The following C1orf198 variants were observed in gnomAD, a reference collection of about 807,000 sequenced individuals.
C1orf198 encodes the protein chromosome 1 open reading frame 198, also known as uncharacterized protein C1orf198.
A neutral mutation model predicts 31.4 loss-of-function variants in C1orf198; 17 were observed. That is an observed-to-expected ratio of 0.54 (90% CI 0.37 to 0.81). The LOEUF (loss-of-function observed/expected upper bound fraction) is 0.81, where lower values mean the gene tolerates loss of function less well. C1orf198 is among the 40% of genes least tolerant of loss of function. The pLI is 0.00. For missense variants in C1orf198, 401 were observed against 450.3 expected (o/e 0.89, Z 0.99); for synonymous variants, 175 against 193.8 (o/e 0.90, Z 0.81).
At chr1:230,858,919 G>A (rs981736743) in intron 1 of C1orf198, among the ~76,000 whole-genome samples, 2 of 152,178 alleles carry the variant, frequency 1.3e-5, no homozygotes, top group Non-Finnish European at 2.9e-5. Flanking sequence ...GAAATTCCAA[G>A]GGGGTCACAG....
intron 2 of C1orf198, among the ~76,000 whole-genome samples, chr1:230,852,054 TG>T (rs1246624451): frequency 7.9e-5 from 12 of 152,354 alleles, no homozygotes; most frequent in Non-Finnish European, 1.6e-4. Context: ...AAGTCAGAGC[TG>T]GGCACTCTGC....
At chr1:230,842,578 T>C (rs971434656) in intron 3 of C1orf198, among the ~76,000 whole-genome samples, 1 of 152,036 alleles carries the variant, frequency 6.6e-6, no homozygotes, top group Non-Finnish European at 1.5e-5. Flanking sequence ...CAATGGACTT[T>C]GGGGACTCGG....
chr1:230,868,913 C>T (rs969505752), upstream of C1orf198: 1 of 153,176 alleles, frequency 6.5e-6, no homozygotes. Context: ...CGCCACGTGG[C>T]CACTGCTTGA....
intron 2 of C1orf198, among the ~76,000 whole-genome samples, chr1:230,855,188 G>T (rs1345877637): frequency 6.6e-6 from 1 of 152,200 alleles, no homozygotes; most frequent in Non-Finnish European, 1.5e-5. Flanking sequence ...ATGAGAAGAA[G>T]AATGACTGGG....
intron 1 of C1orf198, among the ~76,000 whole-genome samples, chr1:230,861,633 C>A (rs77818162): frequency 3.3e-5 from 5 of 152,208 alleles, no homozygotes; most frequent in Non-Finnish European, 7.3e-5. Context: ...CTCACTCCCC[C>A]AGAGCCGGCT....
chr1:230,863,233 G>T (rs532500858), intron 1 of C1orf198, among the ~76,000 whole-genome samples: 136 of 152,214 alleles, frequency 8.9e-4, no homozygotes, highest in African/African-American at 3.2e-3. Flanking sequence ...TTTCCACCAT[G>T]AATACGAATC....
At chr1:230,845,215 TTA>T (rs557714161) in intron 2 of C1orf198, among the ~76,000 whole-genome samples, 1 of 82,446 alleles carries the variant, frequency 1.2e-5, no homozygotes. Context: ...ATTAAAAAAA[TTA>T]AAAAAAAAAA....
chr1:230,867,721 C>T (rs557712663), intron 1 of C1orf198, among the ~76,000 whole-genome samples: 7 of 152,304 alleles, frequency 4.6e-5, no homozygotes, highest in African/African-American at 1.7e-4. Flanking sequence ...AGTCCCTTCA[C>T]GGGCAGGCAC....
At position 230,843,715 on chromosome 1, in the gene C1orf198, G is replaced by A; in HGVS notation, c.566C>T (p.Ser189Leu). The change falls in exon 3 of 4, where the codon TCA becomes TTA. Residue 189 changes from serine (S) to leucine (L), a missense_variant. By Grantham distance (145) the Ser-to-Leu change is moderately radical. Coordinates refer to ENST00000366663, the MANE Select transcript of C1orf198 (RefSeq NM_032800.3). The surrounding 1 kb of genome is among the most constrained non-coding windows in gnomAD (Gnocchi z 4.9). Reference sequence around the variant, plus strand: ...CCGCTCAGCATTGATCTTCCAGAATGACGCTTCCTCCTCCTTCCTGGTGGG... The same window carrying A: ...CCGCTCAGCATTGATCTTCCAGAATAACGCTTCCTCCTCCTTCCTGGTGGG... ...LGPTRKEEEA[S>L]FWKINAERSR... The A allele has an allele frequency of 6.2e-7, 1 of 1,614,258 alleles. No individual in the cohort carries two copies. The highest frequency in any genetic ancestry group is 8.5e-7 in the Non-Finnish European group (1 of 1,180,044).
At chr1:230,861,967 T>C (rs1192037934) in intron 1 of C1orf198, among the ~76,000 whole-genome samples, 4 of 152,184 alleles carry the variant, frequency 2.6e-5, no homozygotes, top group Non-Finnish European at 4.4e-5. Flanking sequence ...GTAAGAAATG[T>C]AAACTGAGAA....
At chr1:230,862,945 T>A (rs1446255517) in intron 1 of C1orf198, among the ~76,000 whole-genome samples, 1 of 152,236 alleles carries the variant, frequency 6.6e-6, no homozygotes, top group Admixed American at 6.5e-5. Flanking sequence ...ATGAGAACTT[T>A]GTACCTTCTG....
At chr1:230,861,953 G>C (rs1043449166) in intron 1 of C1orf198, among the ~76,000 whole-genome samples, 4 of 152,230 alleles carry the variant, frequency 2.6e-5, no homozygotes, top group Non-Finnish European at 4.4e-5. Flanking sequence ...ATCTTGGCTT[G>C]AAGGTAAGAA....
chr1:230,842,321 A>G (rs1377462661), intron 3 of C1orf198, among the ~76,000 whole-genome samples: 1 of 152,230 alleles, frequency 6.6e-6, no homozygotes, highest in African/African-American at 2.4e-5. Flanking sequence ...AACTTTTAAA[A>G]TTCAGTATAT....
At chr1:230,842,158 C>T (rs147261028) in intron 3 of C1orf198, among the ~76,000 whole-genome samples, 3 of 152,214 alleles carry the variant, frequency 2.0e-5, no homozygotes, top group Non-Finnish European at 2.9e-5. Context: ...TAGTGTTGAA[C>T]GGGTCCAGAG....
At chr1:230,868,596 G>GC, upstream of C1orf198, 1 of 854,282 alleles carries the variant, frequency 1.2e-6, no homozygotes, top group Non-Finnish European at 1.3e-6. Flanking sequence ...CCGGAGCCCC[G>GC]CCCCCTCCGG....
chr1:230,839,943 G>C, intron 3 of C1orf198, 35 bp from the exon 4 acceptor site: 1 of 1,568,000 alleles, frequency 6.4e-7, no homozygotes, highest in Non-Finnish European at 8.7e-7. Context: ...AGTAAGACGA[G>C]CCTCTTTTTT....
chr1:230,841,699 C>G (rs985140648), intron 3 of C1orf198, among the ~76,000 whole-genome samples: 7 of 152,228 alleles, frequency 4.6e-5, no homozygotes, highest in Non-Finnish European at 8.8e-5. Context: ...AATGACGCAG[C>G]TGCTGTGGCG....
At chr1:230,855,946 A>G in intron 1 of C1orf198, 2 of 1,328,056 alleles carry the variant, frequency 1.5e-6, no homozygotes, top group Non-Finnish European at 9.6e-7. Flanking sequence ...CCAGCCAAAC[A>G]GACAACAGGG....
At chr1:230,842,462 A>G (rs990051218) in intron 3 of C1orf198, among the ~76,000 whole-genome samples, 5 of 152,182 alleles carry the variant, frequency 3.3e-5, no homozygotes, top group African/African-American at 1.2e-4. Context: ...GTAATTGGAG[A>G]CTATTATTCT....
Sources: allele counts gnomAD v4.1 joint callset (sites outside exome capture counted in the v4.1 genomes callset), GRCh38; gene constraint gnomAD v4.1.1; non-coding constraint Gnocchi (gnomAD v3.1); transcripts MANE v1.5; gene names NCBI Gene and HGNC (gene_info 2026-07-23, HGNC 2026-07-21).